Variants in FOCAD observed in about 807,000 individuals in gnomAD.
FOCAD encodes KIAA1797.
In FOCAD, 198 loss-of-function variants were observed where a neutral mutation model predicts 225.6. The observed-to-expected ratio is 0.88, with a 90% CI of 0.78 to 0.99. FOCAD has a LOEUF of 0.99. Ranked by LOEUF, FOCAD falls within the 50% of genes least tolerant of loss-of-function variation. The pLI, the probability that FOCAD is intolerant of heterozygous loss-of-function variation, is 0.00. For missense variants in FOCAD, 2,713 were observed against 2,123.6 expected (o/e 1.28, Z -5.46); for synonymous variants, 897 against 755.0 (o/e 1.19, Z -3.08).
In FOCAD at chr9:20,662,358, C is replaced by CG. The variant is rs765245059; in HGVS notation, c.-78+3537dup. ...CTGTCAGCTCCTTTAGGGTCAGCCT[C>CG]GGGGGTAAAGAGCCATCTTAGCCAA... On this transcript the variant is annotated intron_variant, in intron 2 of 45. Coordinates refer to the FOCAD transcript ENST00000380249. 4.6e-5 allele frequency among the ~76,000 whole-genome samples: 7 copies of CG among 152,230 alleles called. No homozygotes were observed. The South Asian group carries it at 8.3e-4, about 18-fold the overall frequency.
At chr9:20,715,158 A>G (rs1825229113) in intron 1 of FOCAD, among the ~76,000 whole-genome samples, 164 bp from the exon 2 acceptor site, 2 of 152,208 alleles carry the variant, frequency 1.3e-5, no homozygotes, top group Non-Finnish European at 2.9e-5. Flanking sequence ...TGAGTGCTGG[A>G]TGACAATGAA....
chr9:20,815,123 G>GTGTGTTTTTTTTTTT (rs1564024181), intron 11 of FOCAD, among the ~76,000 whole-genome samples: 2 of 85,398 alleles, frequency 2.3e-5, no homozygotes, highest in Non-Finnish European at 4.5e-5. Context: ...ACTTCTCTTT[G>GTGTGTTTTTTTTTTT]TTTTTTTTTT....
Position 20,709,806 on chromosome 9 carries a change from A to G in FOCAD, c.-32-5516A>G, listed in dbSNP as rs1824684324. On this transcript the variant is annotated intron_variant, in intron 1 of 43. Transcript: ENST00000338382. ...TAAAGTTACTATAGATTTAAAAAAC[A>G]TATTCATTCTCTGAGGTGTCACACT... Among the ~76,000 whole-genome samples, 5 of 152,178 alleles carry G rather than the reference A, an allele frequency of 3.3e-5. No homozygotes were observed. In the South Asian group the frequency reaches 8.3e-4, roughly 25 times the overall value.
intron 35 of FOCAD, among the ~76,000 whole-genome samples, chr9:20,958,197 A>AT (rs1369305226): frequency 1.3e-5 from 2 of 152,220 alleles, no homozygotes; most frequent in Non-Finnish European, 2.9e-5. Context: ...TTATAAAACA[A>AT]TATAAAGAAT....
At chr9:20,717,940 T>G (rs1472656845) in intron 3 of FOCAD, 72 bp downstream of exon 3, 20 of 1,169,946 alleles carry the variant, frequency 1.7e-5, no homozygotes, top group Non-Finnish European at 2.5e-5. Flanking sequence ...TATGCACCTG[T>G]CTTGTTTCCC....
rs1441436688 is a variant in FOCAD at position 20,717,875 on chromosome 9, G to A, written c.132+7G>A. 1 of 1,609,018 alleles carries A rather than the reference G, an allele frequency of 6.2e-7. No homozygotes were observed. The highest frequency in any genetic ancestry group is 8.5e-7 in the Non-Finnish European group (1 of 1,176,706). ...TCACCAATCTACAAATCAGGTCTGTGTTTAACTTTATGCTTTAATTCTCTT... is the reference window on the plus strand; with the variant it reads ...TCACCAATCTACAAATCAGGTCTGTATTTAACTTTATGCTTTAATTCTCTT... On this transcript the variant is annotated splice_region_variant and intron_variant, in intron 3 of 43. Coordinates refer to ENST00000338382, the MANE Select transcript of FOCAD (RefSeq NM_001375567.1).
intron 7 of FOCAD, 68 bp from the exon 8 acceptor site, chr9:20,769,964 T>C (rs1265298227): frequency 7.1e-7 from 1 of 1,407,266 alleles, no homozygotes; most frequent in Non-Finnish European, 9.9e-7. Flanking sequence ...TCAAAGCTTT[T>C]TGTGTACTTT....
intron 8 of FOCAD, among the ~76,000 whole-genome samples, chr9:20,773,681 C>T (rs1818460210): frequency 6.6e-6 from 1 of 152,152 alleles, no homozygotes; most frequent in Non-Finnish European, 1.5e-5. Flanking sequence ...TCTCTAATCA[C>T]TGTAATATGT....
chr9:20,835,393 T>C (rs1825898173), intron 15 of FOCAD, among the ~76,000 whole-genome samples: 1 of 152,102 alleles, frequency 6.6e-6, no homozygotes, highest in African/African-American at 2.4e-5. Flanking sequence ...ATAATTCTTA[T>C]GGTTTTGCAG....
rs763652825 is a variant in FOCAD, at chr9:20,819,857, A to G, written c.1517A>G (p.Tyr506Cys). ...GGAAGACCACTGGAACCTATATTAT[A>G]TAATGATATATTGTATACTTTACCT... ...KLGRPLEPIL[Y>C]NDILYTLPKL... The change falls in exon 12 of 44, where the codon TAT becomes TGT. Residue 506 changes from tyrosine (Y) to cysteine (C), a missense_variant. Coordinates refer to ENST00000338382, the MANE Select transcript of FOCAD (RefSeq NM_001375567.1). 3.9e-6 allele frequency: 6 copies of G among 1,549,150 alleles called. No homozygotes were observed. The highest frequency in any genetic ancestry group is 2.4e-5 in the East Asian group (1 of 42,138).
chr9:20,779,247 C>CA (rs1819107783), intron 9 of FOCAD, among the ~76,000 whole-genome samples: 1 of 152,128 alleles, frequency 6.6e-6, no homozygotes, highest in South Asian at 2.1e-4. Context: ...CCAAGGGTGG[C>CA]AAAAATGTTC....
At chr9:20,859,353 G>A (rs1828539538) in intron 15 of FOCAD, among the ~76,000 whole-genome samples, 1 of 150,388 alleles carries the variant, frequency 6.6e-6, no homozygotes, top group Non-Finnish European at 1.5e-5. Flanking sequence ...CTGAATTCCA[G>A]TCAGGCAACA....
chr9:20,800,544 T>C (rs1456394321), intron 11 of FOCAD, among the ~76,000 whole-genome samples: 1 of 152,158 alleles, frequency 6.6e-6, no homozygotes, highest in Non-Finnish European at 1.5e-5. Context: ...GCTTTGTTTG[T>C]TTCTTTTCAC....
At chr9:20,829,504 G>A (rs1205057261) in intron 15 of FOCAD, among the ~76,000 whole-genome samples, 2 of 151,730 alleles carry the variant, frequency 1.3e-5, no homozygotes, top group African/African-American at 4.8e-5. Context: ...GACTAATATT[G>A]AGCATCTTTT....
At chr9:20,938,104 A>T (rs1269148694) in intron 28 of FOCAD, among the ~76,000 whole-genome samples, 3 of 152,210 alleles carry the variant, frequency 2.0e-5, no homozygotes, top group Non-Finnish European at 4.4e-5. Flanking sequence ...GGATGTGGAG[A>T]AATAGGAACA....
intron 21 of FOCAD, among the ~76,000 whole-genome samples, chr9:20,895,855 A>G (rs1832038456): frequency 6.6e-6 from 1 of 151,726 alleles, no homozygotes; most frequent in Non-Finnish European, 1.5e-5. Context: ...TTCAGCATAC[A>G]TTTTACTTTC....
At chr9:20,813,302 G>T (rs2131364860) in intron 11 of FOCAD, among the ~76,000 whole-genome samples, 1 of 152,132 alleles carries the variant, frequency 6.6e-6, no homozygotes. Context: ...TGAGTATTAT[G>T]AATAAAGCAG....
chr9:20,819,931 A>G (rs1268340947), intron 12 of FOCAD, 31 bp downstream of exon 12: 1 of 1,296,000 alleles, frequency 7.7e-7, no homozygotes, highest in East Asian at 2.5e-5. Flanking sequence ...AGTTGGCGAA[A>G]AAAGTGAGTC....
At chr9:20,884,915 C>T (rs981934078) in intron 20 of FOCAD, among the ~76,000 whole-genome samples, 194 bp from the exon 21 acceptor site, 7 of 151,890 alleles carry the variant, frequency 4.6e-5, no homozygotes, top group South Asian at 4.2e-4. Context: ...AAAAATTAGC[C>T]GGGCATGGTG....
Sources: allele counts gnomAD v4.1 joint callset (sites outside exome capture counted in the v4.1 genomes callset), GRCh38; gene constraint gnomAD v4.1.1; transcripts MANE v1.5; gene names NCBI Gene and HGNC (gene_info 2026-07-23, HGNC 2026-07-21).